Variants in CEP120 observed in about 807,000 individuals in gnomAD.
The protein encoded by CEP120 is centrosomal protein of 120 kDa.
Under a neutral mutation model 126.5 loss-of-function variants are expected in CEP120, and 113 were observed. The ratio of observed to expected loss-of-function variants is 0.89; its 90% confidence interval spans 0.77 to 1.04. The LOEUF (loss-of-function observed/expected upper bound fraction) is 1.04. Ranked by LOEUF, CEP120 falls within the 50% of genes least tolerant of loss-of-function variation. The pLI is 0.00. For synonymous variants in CEP120, 400 were observed against 394.3 expected, an observed-to-expected ratio of 1.01 and a Z score of -0.17; for missense variants, 1,230 against 1,155.7, an observed-to-expected ratio of 1.06 and a Z score of -0.93.
chr5:123,418,654 TA>T, intron 1 of CEP120, 139 bp from the exon 2 acceptor site: 5 of 655,782 alleles, frequency 7.6e-6, no homozygotes, highest in Non-Finnish European at 1.2e-5. Flanking sequence ...TGGAGTTCAG[TA>T]GCGCAATCTC....
intron 4 of CEP120, among the ~76,000 whole-genome samples, 174 bp from the exon 5 acceptor site, chr5:123,399,458 A>G (rs888650458): frequency 1.3e-5 from 2 of 152,270 alleles, no homozygotes; most frequent in African/African-American, 4.8e-5. Flanking sequence ...TTACTTAACC[A>G]GCATTGTCTT....
intron 8 of CEP120, 109 bp downstream of exon 8, chr5:123,389,811 TAACA>T: frequency 1.0e-6 from 1 of 975,856 alleles, no homozygotes; most frequent in Non-Finnish European, 1.5e-6. Flanking sequence ...TATTGGTTCT[TAACA>T]AACCCACAAT....
intron 5 of CEP120, among the ~76,000 whole-genome samples, chr5:123,398,756 C>T (rs572199989): frequency 1.1e-4 from 17 of 152,288 alleles, no homozygotes; most frequent in African/African-American, 3.9e-4. Context: ...GAACCCAAAA[C>T]TCTATAGGCA....
chr5:123,363,070 G>A (rs1009819989), intron 18 of CEP120, among the ~76,000 whole-genome samples: 7 of 151,342 alleles, frequency 4.6e-5, no homozygotes, highest in Admixed American at 2.0e-4. Context: ...CTTAGAAAAC[G>A]GGCCCTCCTC....
rs892544580 is a variant in CEP120 at position 123,345,254 on chromosome 5, G to A, written c.*1265C>T. The A allele has an allele frequency of 1.3e-5, 2 of 151,712 alleles. No homozygotes were observed. Among genetic ancestry groups the A allele is most frequent in the African/African-American group, 4.8e-5 (2 of 41,284 alleles). 9.4% of individuals were successfully genotyped at this position (151,712 alleles called of 1,614,324 possible). On this transcript the variant is annotated 3_prime_UTR_variant, in exon 20 of 20. Transcript: ENST00000306467. ...TTTACTGCTGGGTTATTTTTTACTA[G>A]ATTAATACTCTGTTAATAAGGAAAA...
intron 3 of CEP120, 23 bp downstream of exon 3, chr5:123,415,987 G>C (rs2127135475): frequency 6.9e-7 from 1 of 1,458,392 alleles, no homozygotes; most frequent in Admixed American, 1.7e-5. Flanking sequence ...ATAATCATTA[G>C]CAAAACATCA....
chr5:123,349,256 T>A (rs1299409413), intron 19 of CEP120, among the ~76,000 whole-genome samples: 4 of 152,116 alleles, frequency 2.6e-5, no homozygotes, highest in African/African-American at 7.2e-5. Context: ...AGCTACATGA[T>A]CTTGAATAAT....
At chr5:123,374,904 G>A (rs2127027564) in intron 16 of CEP120, among the ~76,000 whole-genome samples, 1 of 152,150 alleles carries the variant, frequency 6.6e-6, no homozygotes, top group Admixed American at 6.5e-5. Flanking sequence ...AAGGCATGTT[G>A]GGCTCTTTTT....
chr5:123,399,370 T>A (rs1773022155), intron 4 of CEP120, 86 bp from the exon 5 acceptor site: 2 of 1,325,818 alleles, frequency 1.5e-6, no homozygotes, highest in Admixed American at 4.1e-5. Flanking sequence ...ATTTTGTAAT[T>A]TGCTTGGTAA....
intron 19 of CEP120, 123 bp from the exon 20 acceptor site, chr5:123,346,876 AC>A: frequency 1.5e-6 from 1 of 682,616 alleles, no homozygotes; most frequent in Non-Finnish European, 2.2e-6. Context: ...AAGAAAACAA[AC>A]CAAAAAAAAC....
intron 4 of CEP120, chr5:123,401,703 G>A (rs1225829496): frequency 4.9e-5 from 67 of 1,380,658 alleles, no homozygotes; most frequent in Non-Finnish European, 6.6e-5. Context: ...AGCCCTTCCA[G>A]GCGAGACTCC....
At chr5:123,417,611 A>G (rs1774466516) in intron 2 of CEP120, among the ~76,000 whole-genome samples, 1 of 152,110 alleles carries the variant, frequency 6.6e-6, no homozygotes, top group African/African-American at 2.4e-5. Context: ...AGGTAAATAT[A>G]CAATAAATAA....
chr5:123,412,833 C>T (rs887389359), intron 3 of CEP120, among the ~76,000 whole-genome samples: 7 of 152,160 alleles, frequency 4.6e-5, no homozygotes, highest in African/African-American at 1.7e-4. Flanking sequence ...TACCTTTCGT[C>T]TTATACCCTC....
chr5:123,355,802 T>C (rs1470028117), intron 18 of CEP120, among the ~76,000 whole-genome samples: 2 of 151,676 alleles, frequency 1.3e-5, no homozygotes, highest in Non-Finnish European at 1.5e-5. Context: ...TTTGTCAATT[T>C]TGGCTTTTGT....
intron 4 of CEP120, chr5:123,401,936 C>G: frequency 2.6e-6 from 4 of 1,560,740 alleles, no homozygotes; most frequent in Non-Finnish European, 3.5e-6. Context: ...ACATGTTGTC[C>G]ATGTTGCTCC....
intron 3 of CEP120, among the ~76,000 whole-genome samples, chr5:123,415,163 G>T (rs1301255976): frequency 6.6e-6 from 1 of 152,102 alleles, no homozygotes; most frequent in Non-Finnish European, 1.5e-5. Flanking sequence ...TGCAAGGAAT[G>T]CAAGGAGCAG....
chr5:123,376,825 G>C (rs17150389), intron 16 of CEP120, among the ~76,000 whole-genome samples: 100,034 of 151,940 alleles, frequency 0.66, 33,096 homozygotes, highest in Middle Eastern at 0.68. Context: ...GAATAAGATT[G>C]TTTTTGCAGA....
chr5:123,355,706 C>T lies in CEP120; in HGVS notation c.2581-5617G>A, dbSNP rs559194927. On this transcript the variant is annotated intron_variant, in intron 18 of 19. Transcript: ENST00000306467. ...AGCCCTTTGTCAGATGAGTAGGTTG[C>T]AAAAATTTTCTCCCATTCTGTAGGT... 1.1e-3 allele frequency among the ~76,000 whole-genome samples: 165 copies of T among 151,854 alleles called. 1 individual carries two copies. Among genetic ancestry groups the T allele is most frequent in the African/African-American group, 3.5e-3 (145 of 41,420 alleles).
chr5:123,364,411 G>A (rs560140267), intron 18 of CEP120, 85 bp downstream of exon 18: 7 of 740,156 alleles, frequency 9.5e-6, no homozygotes, highest in African/African-American at 7.1e-5. Flanking sequence ...GCAGACATCA[G>A]AGCATAACAG....
Sources: gnomAD v4.1 joint callset for allele counts (sites outside exome capture counted in the v4.1 genomes callset) on GRCh38, gnomAD v4.1.1 for gene constraint, MANE v1.5 for transcripts, NCBI Gene and HGNC (gene_info 2026-07-23, HGNC 2026-07-21) for gene names.